Variants in MYO3B observed in about 807,000 individuals in gnomAD.
The protein encoded by MYO3B is myosin-IIIb.
In MYO3B, 156 loss-of-function variants were observed where a neutral mutation model predicts 174.6. The observed-to-expected ratio is 0.89, with a 90% CI of 0.78 to 1.02. MYO3B has a LOEUF of 1.02. Among genes scored for constraint, MYO3B ranks in the 50% least tolerant of loss-of-function variants. MYO3B has a pLI of 0.00. For synonymous variants in MYO3B, 563 were observed against 569.1 expected, an observed-to-expected ratio of 0.99 and a Z score of 0.15; for missense variants, 1,632 against 1,639.4, an observed-to-expected ratio of 1.00 and a Z score of 0.08.
At chr2:170,619,737 C>CTTTTTCTTTTTTTT (rs1695740361) in intron 32 of MYO3B, among the ~76,000 whole-genome samples, 1 of 50,778 alleles carries the variant, frequency 2.0e-5, no homozygotes, top group Non-Finnish European at 3.4e-5. Context: ...CTGCCATATT[C>CTTTTTCTTTTTTTT]TTTTTTTTTT....
intron 12 of MYO3B, chr2:170,385,969 A>G (rs977678231): frequency 8.8e-6 from 3 of 341,386 alleles, no homozygotes; most frequent in Non-Finnish European, 1.6e-5. Flanking sequence ...CAAATATCCC[A>G]ATATTGGACA....
At chr2:170,298,782 A>G (rs1221022719) in intron 7 of MYO3B, among the ~76,000 whole-genome samples, 1 of 151,790 alleles carries the variant, frequency 6.6e-6, no homozygotes, top group African/African-American at 2.4e-5. Context: ...TTTAGGATTT[A>G]TATCTGTAAT....
At chr2:170,440,635 C>T (rs1460162561) in intron 22 of MYO3B, among the ~76,000 whole-genome samples, 1 of 151,596 alleles carries the variant, frequency 6.6e-6, no homozygotes, top group Non-Finnish European at 1.5e-5. Flanking sequence ...TGCCTCTAAT[C>T]CCAGCTACTC....
At chr2:170,583,653 T>C (rs1005596856) in intron 32 of MYO3B, among the ~76,000 whole-genome samples, 24 of 152,224 alleles carry the variant, frequency 1.6e-4, no homozygotes, top group Non-Finnish European at 7.3e-5. Flanking sequence ...TGCATGGAAC[T>C]GGGTTAAGTG....
At chr2:170,635,464 G>C (rs6738220) in intron 32 of MYO3B, among the ~76,000 whole-genome samples, 1,642 of 152,210 alleles carry the variant, frequency 0.011, 32 homozygotes, top group African/African-American at 0.038. Flanking sequence ...GGCCTGTCGT[G>C]GGGTGGGGGG....
chr2:170,299,128 T>C (rs1485963807), intron 7 of MYO3B, among the ~76,000 whole-genome samples: 1 of 152,196 alleles, frequency 6.6e-6, no homozygotes, highest in African/African-American at 2.4e-5. Context: ...ATGATATTTC[T>C]TATGCTTTGG....
At chr2:170,251,743 T>C (rs2093255818) in intron 7 of MYO3B, among the ~76,000 whole-genome samples, 1 of 152,206 alleles carries the variant, frequency 6.6e-6, no homozygotes, top group Non-Finnish European at 1.5e-5. Flanking sequence ...ATTTCTGTTT[T>C]TCTAAGCCAG....
intron 32 of MYO3B, among the ~76,000 whole-genome samples, chr2:170,556,653 C>A (rs1238586104): frequency 1.3e-5 from 2 of 152,172 alleles, no homozygotes; most frequent in African/African-American, 4.8e-5. Flanking sequence ...TCCCAAGTAG[C>A]TGGGATTACA....
intron 17 of MYO3B, among the ~76,000 whole-genome samples, chr2:170,401,245 C>T (rs545920134): frequency 6.6e-6 from 1 of 152,204 alleles, no homozygotes; most frequent in South Asian, 2.1e-4. Context: ...TGGCAAAAGA[C>T]CACCTCCTCT....
chr2:170,333,233 G>A (rs916606671), intron 7 of MYO3B, among the ~76,000 whole-genome samples: 7 of 152,132 alleles, frequency 4.6e-5, no homozygotes, highest in Non-Finnish European at 1.0e-4. Flanking sequence ...AGCTGGCAGG[G>A]CATGTAAAAC....
intron 7 of MYO3B, among the ~76,000 whole-genome samples, chr2:170,275,293 T>A (rs918048134): frequency 6.6e-6 from 1 of 152,244 alleles, no homozygotes; most frequent in Non-Finnish European, 1.5e-5. Flanking sequence ...CCAAATGTAT[T>A]TGAGAAATTC....
At chr2:170,490,141 G>A (rs971704809) in intron 25 of MYO3B, among the ~76,000 whole-genome samples, 1 of 150,234 alleles carries the variant, frequency 6.7e-6, no homozygotes. Flanking sequence ...CCATTCTCCT[G>A]CCTCAGCCTC....
At chr2:170,400,524 C>G (rs996279594) in intron 17 of MYO3B, among the ~76,000 whole-genome samples, 1 of 151,770 alleles carries the variant, frequency 6.6e-6, no homozygotes, top group African/African-American at 2.4e-5. Context: ...TTTGCCTCAG[C>G]CTCCAGAGTA....
intron 22 of MYO3B, among the ~76,000 whole-genome samples, chr2:170,423,585 C>CA (rs1553488461): frequency 8.0e-6 from 1 of 124,300 alleles, no homozygotes; most frequent in Non-Finnish European, 1.6e-5. Context: ...TCAGCAAAAG[C>CA]TTTTTTTTTT....
Position 170,542,969 on chromosome 2 carries a change from A to G in MYO3B, c.3636+3A>G, listed in dbSNP as rs561949152. 5.6e-6 allele frequency: 9 copies of G among 1,608,228 alleles called. No homozygotes were observed. The South Asian group carries it at 1.0e-4, about 18-fold the overall frequency. ...TCTTCGCAGGACATGCAAACAAGGT[A>G]GCTGGATATCTTGATTCCAAAGTAA... On this transcript the variant is annotated splice_donor_region_variant and intron_variant, in intron 31 of 34. Transcript: ENST00000408978.
At chr2:170,188,081 A>G (rs2092489652) in intron 1 of MYO3B, among the ~76,000 whole-genome samples, 1 of 152,262 alleles carries the variant, frequency 6.6e-6, no homozygotes, top group African/African-American at 2.4e-5. Context: ...GTCTCTAGCT[A>G]TTAATTTATT....
In MYO3B at chr2:170,405,677, G is replaced by A. The variant is rs772599157; in HGVS notation, c.2520+44G>A. 4 of 1,502,558 alleles carry A rather than the reference G, an allele frequency of 2.7e-6. No individual in the cohort carries two copies. The South Asian group carries it at 4.5e-5, about 17-fold the overall frequency. 93.1% of individuals were successfully genotyped at this position (1,502,558 alleles called of 1,614,324 possible). A position where few individuals can be genotyped will look rare whatever the true frequency, so the allele number is the denominator to read the frequency against. Reference sequence around the variant, plus strand: ...TTATTAGACCTGAATTTGGCAAAGGGTAAGTGTCTGTATTACCCTGTCTGT... The same window carrying A: ...TTATTAGACCTGAATTTGGCAAAGGATAAGTGTCTGTATTACCCTGTCTGT... On this transcript the variant is annotated intron_variant, in intron 21 of 34. Transcript: ENST00000408978.
At chr2:170,344,522 A>G (rs947123788) in intron 8 of MYO3B, 5 of 152,146 alleles carry the variant, frequency 3.3e-5, no homozygotes, top group African/African-American at 1.2e-4. Flanking sequence ...GTTTCACACA[A>G]CGTATCATTA....
intron 22 of MYO3B, among the ~76,000 whole-genome samples, chr2:170,438,924 G>A (rs967219477): frequency 6.6e-6 from 1 of 151,888 alleles, no homozygotes; most frequent in African/African-American, 2.4e-5. Context: ...GAGCCACCGT[G>A]CCCGGCCAAG....
Sources: allele counts gnomAD v4.1 joint callset (sites outside exome capture counted in the v4.1 genomes callset), GRCh38; gene constraint gnomAD v4.1.1; transcripts MANE v1.5; gene names NCBI Gene and HGNC (gene_info 2026-07-23, HGNC 2026-07-21).